The following R3HCC1L variants were observed in gnomAD, a reference collection of about 807,000 sequenced individuals.
R3HCC1L encodes the protein R3H domain and coiled-coil containing 1 like.
R3HCC1L carries 51 observed loss-of-function variants against 59.9 expected under a neutral mutation model. That is an observed-to-expected ratio of 0.85 (90% CI 0.68 to 1.07). R3HCC1L has a LOEUF of 1.07. R3HCC1L is among the 50% of genes least tolerant of loss of function. The probability of loss-of-function intolerance (pLI) is 0.00; values close to 1 mark genes in which losing one functional copy is unlikely to be tolerated. For missense variants in R3HCC1L, 965 were observed against 933.0 expected (o/e 1.03, Z -0.45); for synonymous variants, 322 against 315.2 (o/e 1.02, Z -0.23).
intron 4 of R3HCC1L, among the ~76,000 whole-genome samples, chr10:98,206,993 T>A (rs1225254556): frequency 2.0e-5 from 3 of 152,234 alleles, no homozygotes; most frequent in African/African-American, 7.2e-5. Context: ...GAAAATAACC[T>A]GTGCCATGAG....
At position 98,244,196 on chromosome 10, in the gene R3HCC1L, A is replaced by G; in HGVS notation, c.*38A>G. 1 of 1,581,640 alleles carries G rather than the reference A, an allele frequency of 6.3e-7. No homozygotes were observed. The highest frequency in any genetic ancestry group is 8.7e-7 in the Non-Finnish European group (1 of 1,150,914). On this transcript the variant is annotated 3_prime_UTR_variant, in exon 10 of 10. Coordinates refer to ENST00000298999, the MANE Select transcript of R3HCC1L (RefSeq NM_001351015.2). ...GAAAGGGATAATTCCATGAATCAGA[A>G]AATGTTTCCATAGCCTTCAGATAAG... is the stretch of plus-strand genomic sequence containing the variant.
intron 1 of R3HCC1L, among the ~76,000 whole-genome samples, chr10:98,152,934 CG>C (rs1846392306): frequency 1.3e-5 from 2 of 149,266 alleles, no homozygotes; most frequent in Admixed American, 1.3e-4. Flanking sequence ...TCGCCCTGTC[CG>C]GGAGAGAGGT....
chr10:98,234,108 A>G (rs567541934), intron 6 of R3HCC1L, among the ~76,000 whole-genome samples: 3 of 151,686 alleles, frequency 2.0e-5, no homozygotes, highest in Non-Finnish European at 2.9e-5. Context: ...TCCTCTTTCC[A>G]TTTCTTCTCA....
intron 1 of R3HCC1L, among the ~76,000 whole-genome samples, 200 bp downstream of exon 1, chr10:98,134,906 C>A (rs1156281855): frequency 6.6e-6 from 1 of 152,190 alleles, no homozygotes; most frequent in Admixed American, 6.5e-5. Flanking sequence ...CCCTGCGGGC[C>A]CGCGGTTGAG....
At chr10:98,168,684 T>C (rs1255268561) in intron 4 of R3HCC1L, among the ~76,000 whole-genome samples, 1 of 152,202 alleles carries the variant, frequency 6.6e-6, no homozygotes, top group African/African-American at 2.4e-5. Flanking sequence ...AATATTAAAA[T>C]ACTGTATTAT....
At chr10:98,215,810 G>GA (rs1554850261) in intron 5 of R3HCC1L, among the ~76,000 whole-genome samples, 3 of 151,722 alleles carry the variant, frequency 2.0e-5, no homozygotes, top group Admixed American at 6.6e-5. Flanking sequence ...GTTAAAATGT[G>GA]AAAAAAAGGA....
chr10:98,220,270 G>A (rs1261103792), intron 5 of R3HCC1L, among the ~76,000 whole-genome samples: 18 of 151,014 alleles, frequency 1.2e-4, no homozygotes, highest in Admixed American at 9.9e-4. Flanking sequence ...TGAATTGTTT[G>A]TCTGATTTCC....
chr10:98,226,070 A>T (rs1182557775), intron 5 of R3HCC1L, among the ~76,000 whole-genome samples: 1 of 151,542 alleles, frequency 6.6e-6, no homozygotes, highest in African/African-American at 2.4e-5. Context: ...CTGGTCTTGA[A>T]CTCAAGCAGT....
chr10:98,193,920 A>G (rs925542560), intron 4 of R3HCC1L, among the ~76,000 whole-genome samples: 3 of 152,158 alleles, frequency 2.0e-5, no homozygotes, highest in African/African-American at 7.2e-5. Flanking sequence ...TGTCCAGTCT[A>G]CAGAGTCAGA....
intron 4 of R3HCC1L, among the ~76,000 whole-genome samples, chr10:98,204,149 C>T (rs1241165660): frequency 6.6e-6 from 1 of 152,178 alleles, no homozygotes; most frequent in Non-Finnish European, 1.5e-5. Flanking sequence ...TGGCTTACAC[C>T]TGTAATCCCA....
intron 4 of R3HCC1L, among the ~76,000 whole-genome samples, chr10:98,187,099 G>C (rs555799200): frequency 6.6e-6 from 1 of 151,940 alleles, no homozygotes; most frequent in African/African-American, 2.4e-5. Context: ...TATTTGGTAG[G>C]GTACAAGTTT....
chr10:98,162,434 G>GT (rs1847521792), intron 2 of R3HCC1L, among the ~76,000 whole-genome samples: 1 of 152,106 alleles, frequency 6.6e-6, no homozygotes, highest in African/African-American at 2.4e-5. Flanking sequence ...GCCCTATTCT[G>GT]TTGACATTCA....
At position 98,243,636 on chromosome 10, in the gene R3HCC1L, T is replaced by C. The variant is rs1056400428; in HGVS notation, c.2270-455T>C. 9.8e-5 allele frequency among the ~76,000 whole-genome samples: 15 copies of C among 152,316 alleles called. No homozygotes were observed. The East Asian group carries it at 2.5e-3, about 25-fold the overall frequency. Reference sequence around the variant, plus strand: ...TCAATAAAGTTTTAGAGAGGAGATATGAGTAAAGCCCAGGGGCTACCATTT... The same window carrying C: ...TCAATAAAGTTTTAGAGAGGAGATACGAGTAAAGCCCAGGGGCTACCATTT... On this transcript the variant is annotated intron_variant, in intron 9 of 9. Coordinates refer to ENST00000298999, the MANE Select transcript of R3HCC1L (RefSeq NM_001351015.2).
At chr10:98,206,063 A>C (rs971425668) in intron 4 of R3HCC1L, among the ~76,000 whole-genome samples, 15 of 152,192 alleles carry the variant, frequency 9.9e-5, no homozygotes, top group Non-Finnish European at 1.9e-4. Flanking sequence ...TGTCTCTTTT[A>C]TAGAGCAACT....
intron 4 of R3HCC1L, among the ~76,000 whole-genome samples, chr10:98,183,269 C>G (rs1849839308): frequency 6.7e-6 from 1 of 149,550 alleles, no homozygotes; most frequent in African/African-American, 2.4e-5. Context: ...TCTTTCAGCA[C>G]TTTAGTGGTG....
rs7921929 is a variant in R3HCC1L at position 98,180,946 on chromosome 10, C to T, written c.-15+17549C>T. ...TTTATTTTAAGCCTATGTGTGTCTC[C>T]GCATGTGAGTTGGGTCTCCTGAATA... On this transcript the variant is annotated intron_variant, in intron 4 of 9. Coordinates refer to ENST00000298999, the MANE Select transcript of R3HCC1L (RefSeq NM_001351015.2). 4.6e-3 allele frequency among the ~76,000 whole-genome samples: 697 copies of T among 152,136 alleles called. 4 individuals are homozygous for T. Among genetic ancestry groups the T allele is most frequent in the African/African-American group, 0.016 (647 of 41,490 alleles).
intron 4 of R3HCC1L, among the ~76,000 whole-genome samples, chr10:98,205,553 T>A (rs1465927384): frequency 6.6e-6 from 1 of 152,168 alleles, no homozygotes; most frequent in African/African-American, 2.4e-5. Context: ...ATCAGTGACA[T>A]AAAGAAAAAC....
In R3HCC1L at chr10:98,177,237, G is replaced by A. The variant is rs921666657; in HGVS notation, c.-15+13840G>A. Among the ~76,000 whole-genome samples, 25 of 151,868 alleles carry A rather than the reference G, an allele frequency of 1.6e-4. 1 individual carries two copies. The highest frequency in any genetic ancestry group is 3.2e-4 in the Non-Finnish European group (22 of 67,988). ...GATGTTCCCCTTCCTGTGTCCAAGT[G>A]TTTTCATTGTTCAATTCCCACCTAT... On this transcript the variant is annotated intron_variant, in intron 4 of 9. Coordinates refer to ENST00000298999, the MANE Select transcript of R3HCC1L (RefSeq NM_001351015.2).
chr10:98,213,844 C>G (rs2135352792), intron 5 of R3HCC1L, among the ~76,000 whole-genome samples: 1 of 152,076 alleles, frequency 6.6e-6, no homozygotes, highest in Non-Finnish European at 1.5e-5. Flanking sequence ...ATAAAGATGT[C>G]TGAATTGACA....
Sources: gnomAD v4.1 joint callset for allele counts (sites outside exome capture counted in the v4.1 genomes callset) on GRCh38, gnomAD v4.1.1 for gene constraint, MANE v1.5 for transcripts, NCBI Gene and HGNC (gene_info 2026-07-23, HGNC 2026-07-21) for gene names.